The following DMD variants were observed in gnomAD, a reference collection of about 807,000 sequenced individuals.
DMD encodes the protein dystrophin.
DMD carries 63 observed loss-of-function variants against 330.1 expected under a neutral mutation model. The observed-to-expected ratio is 0.19, with a 90% CI of 0.16 to 0.24. The LOEUF (loss-of-function observed/expected upper bound fraction) is 0.24. Ranked by LOEUF, DMD falls within the 10% of genes least tolerant of loss-of-function variation. DMD has a pLI of 1.00. For synonymous variants in DMD, 1,223 were observed against 959.8 expected (o/e 1.27, Z -5.07); for missense variants, 3,344 against 2,684.1 (o/e 1.25, Z -5.43).
intron 2 of DMD, among the ~76,000 whole-genome samples, chrX:32,980,368 CAAA>C (rs755016078): frequency 6.3e-4 from 27 of 42,633 alleles, no homozygotes; most frequent in African/African-American, 2.4e-3. Context: ...GACTCTGTCT[CAAA>C]AAAAAAAAAA....
At position 32,377,614 on chromosome X, in the gene DMD, A is replaced by C. The variant is rs2097909090; in HGVS notation, c.4845+2896T>G. 2.7e-5 allele frequency among the ~76,000 whole-genome samples: 3 copies of C among 111,696 alleles called. 1 individual carries two copies. The Admixed American group carries it at 2.9e-4, about 11-fold the overall frequency. On this transcript the variant is annotated intron_variant, in intron 34 of 78. Coordinates refer to ENST00000357033, the MANE Select transcript of DMD (RefSeq NM_004006.3). Reference sequence around the variant, plus strand: ...GTATAGAAATGTGTTCTCAGTTAGAAACAATCTGGCTTCTTTCCAGGAAAA... The same window carrying C: ...GTATAGAAATGTGTTCTCAGTTAGACACAATCTGGCTTCTTTCCAGGAAAA...
chrX:32,884,104 C>T (rs986767254), intron 2 of DMD, among the ~76,000 whole-genome samples: 7 of 110,684 alleles, frequency 6.3e-5, no homozygotes, highest in Non-Finnish European at 9.4e-5. Context: ...TTCCCAATGT[C>T]CCCTATACTA....
intron 55 of DMD, among the ~76,000 whole-genome samples, chrX:31,569,634 A>ATATATACGTATATACG (rs1569551979): frequency 1.0e-5 from 1 of 98,813 alleles, no homozygotes; most frequent in Non-Finnish European, 2.0e-5. Context: ...GTATATACGT[A>ATATATACGTATATACG]TATATATGTA....
intron 48 of DMD, among the ~76,000 whole-genome samples, chrX:31,855,523 A>G (rs1051430128): frequency 8.9e-6 from 1 of 112,206 alleles, no homozygotes; most frequent in Non-Finnish European, 1.9e-5. Context: ...CATTAGGCTA[A>G]TTTTCATTAA....
chrX:32,335,760 G>A (rs930290088), intron 41 of DMD, among the ~76,000 whole-genome samples: 54 of 79,169 alleles, frequency 6.8e-4, no homozygotes, highest in African/African-American at 2.4e-3. Flanking sequence ...GGCATAACAT[G>A]TATATATAAA....
At position 32,472,224 on chromosome X, in the gene DMD, G is replaced by T. The variant is rs943720115; in HGVS notation, c.2889C>A (p.Ser963=). 8.3e-7 allele frequency: 1 copy of T among 1,210,725 alleles called. No individual in the cohort carries two copies. The highest frequency in any genetic ancestry group is 3.0e-5 in the East Asian group (1 of 33,816). ...AGTCGGTGACACTAAGTTGAGGTAT[G>T]GAGAGTTTGGTTTCTGACTGCTGGA... ...TWVQQSETKL[S]IPQLSVTDYE... Residue 963 remains serine, a synonymous_variant, in exon 22 of 79, where the codon TCC becomes TCA. Transcript: ENST00000357033.
chrX:31,783,842 C>T (rs775897036), intron 50 of DMD, among the ~76,000 whole-genome samples: 11 of 111,042 alleles, frequency 9.9e-5, no homozygotes, highest in African/African-American at 2.3e-4. Context: ...AATGTAAATG[C>T]GACAATATTA....
At chrX:31,780,417 A>G (rs1298904566) in intron 50 of DMD, among the ~76,000 whole-genome samples, 1 of 112,269 alleles carries the variant, frequency 8.9e-6, no homozygotes, top group Non-Finnish European at 1.9e-5. Flanking sequence ...CCTCCTTATC[A>G]TTCCATGTCA....
At chrX:33,302,538 A>T (rs2053681081) in intron 1 of DMD, among the ~76,000 whole-genome samples, 1 of 111,882 alleles carries the variant, frequency 8.9e-6, no homozygotes, top group African/African-American at 3.2e-5. Flanking sequence ...CTTTTGCGGT[A>T]AGCTATTTGT....
At chrX:32,942,016 A>C (rs189922393) in intron 2 of DMD, among the ~76,000 whole-genome samples, 10 of 111,792 alleles carry the variant, frequency 8.9e-5, no homozygotes, top group Admixed American at 2.9e-4. Context: ...AAAACACCCA[A>C]GCAATGTGAT....
At chrX:31,451,862 T>A (rs777558426) in intron 59 of DMD, among the ~76,000 whole-genome samples, 1 of 111,025 alleles carries the variant, frequency 9.0e-6, no homozygotes, top group South Asian at 3.8e-4. Flanking sequence ...TGTGATTGCA[T>A]TTTTTTCCAG....
intron 52 of DMD, among the ~76,000 whole-genome samples, chrX:31,709,946 C>T (rs991916528): frequency 9.0e-6 from 1 of 111,316 alleles, no homozygotes; most frequent in African/African-American, 3.3e-5. Flanking sequence ...GAAAGATTTT[C>T]TTCTGCAATT....
chrX:33,073,469 A>G (rs2094790381), intron 1 of DMD, among the ~76,000 whole-genome samples: 1 of 111,765 alleles, frequency 8.9e-6, no homozygotes, highest in South Asian at 3.7e-4. Context: ...AAGTTTGAAG[A>G]CAGGATTCAA....
chrX:32,721,766 G>T (rs1022913282), intron 7 of DMD, among the ~76,000 whole-genome samples: 1 of 110,757 alleles, frequency 9.0e-6, no homozygotes, highest in African/African-American at 3.3e-5. Context: ...TTGCAAAGGC[G>T]ACTGTCAGAG....
chrX:33,150,068 TA>T, intron 1 of DMD, among the ~76,000 whole-genome samples: 1 of 111,255 alleles, frequency 9.0e-6, no homozygotes, highest in Non-Finnish European at 1.9e-5. Context: ...GCGTTCTTTC[TA>T]AAAAATACAA....
At chrX:32,480,928 A>G (rs1166652407) in intron 21 of DMD, among the ~76,000 whole-genome samples, 1 of 111,136 alleles carries the variant, frequency 9.0e-6, no homozygotes, top group Non-Finnish European at 1.9e-5. Flanking sequence ...TGTCTACTGG[A>G]ACAAAACATT....
intron 63 of DMD, among the ~76,000 whole-genome samples, chrX:31,258,656 TTC>T (rs770992033): frequency 2.7e-5 from 3 of 112,112 alleles, no homozygotes; most frequent in Non-Finnish European, 5.6e-5. Context: ...AACTGTAAAA[TTC>T]TGTTATAATT....
chrX:32,980,641 T>C (rs930322132), intron 2 of DMD, among the ~76,000 whole-genome samples: 1 of 110,413 alleles, frequency 9.1e-6, no homozygotes, highest in African/African-American at 3.3e-5. Context: ...TCCTTCATAG[T>C]ACAAGGAAAC....
At chrX:31,178,620 T>C in intron 70 of DMD, 49 bp downstream of exon 70, 1 of 1,180,777 alleles carries the variant, frequency 8.5e-7, no homozygotes, top group Non-Finnish European at 1.1e-6. Flanking sequence ...CTGAGAGGAG[T>C]TCAAATATAC....
Sources: gnomAD v4.1 joint callset for allele counts (sites outside exome capture counted in the v4.1 genomes callset) on GRCh38, gnomAD v4.1.1 for gene constraint, MANE v1.5 for transcripts, NCBI Gene and HGNC (gene_info 2026-07-23, HGNC 2026-07-21) for gene names.